The following SLCO2B1 variants were observed in gnomAD, a reference collection of about 807,000 sequenced individuals.
SLCO2B1 encodes the protein OATP-RP2.
SLCO2B1 carries 41 observed loss-of-function variants against 67.3 expected under a neutral mutation model. That is an observed-to-expected ratio of 0.61 (90% CI 0.47 to 0.79). The LOEUF is 0.79. Among genes scored for constraint, SLCO2B1 ranks in the 30% least tolerant of loss-of-function variants. The pLI is 0.00. For missense variants in SLCO2B1, 837 were observed against 920.1 expected (o/e 0.91, Z 1.17); for synonymous variants, 379 against 381.4 (o/e 0.99, Z 0.07).
At position 75,169,363 on chromosome 11, in the gene SLCO2B1, C is replaced by T. The variant is rs1949932756; in HGVS notation, c.639C>T (p.Tyr213=). 1.9e-6 allele frequency: 3 copies of T among 1,610,810 alleles called. No individual in the cohort carries two copies. Among genetic ancestry groups the T allele is most frequent in the Non-Finnish European group, 1.7e-6 (2 of 1,177,552 alleles). Residue 213 remains tyrosine (Y), a synonymous_variant, in exon 5 of 14, where the codon TAC becomes TAT. Coordinates refer to ENST00000289575, the MANE Select transcript of SLCO2B1 (RefSeq NM_007256.5). ...CCATTCAGCCCTTTGGCATCTCCTACATCGATGACTTTGCCCACAACAGCA... is the reference window on the plus strand; with the variant it reads ...CCATTCAGCCCTTTGGCATCTCCTATATCGATGACTTTGCCCACAACAGCA... The part of the protein sequence containing the change: ...GVPIQPFGIS[Y]IDDFAHNSNS...
Position 75,203,181 on chromosome 11 carries a change from C to A in SLCO2B1, c.1829-126C>A, listed in dbSNP as rs370308930. 8 of 1,381,082 alleles carry A rather than the reference C, an allele frequency of 5.8e-6. No homozygotes were observed. The South Asian group carries it at 6.7e-5, about 11-fold the overall frequency. 85.6% of individuals were successfully genotyped at this position (1,381,082 alleles called of 1,614,324 possible). On this transcript the variant is annotated intron_variant, in intron 12 of 13. Coordinates refer to ENST00000289575, the MANE Select transcript of SLCO2B1 (RefSeq NM_007256.5). ...AGCCACCTCGGATGCAGGGGTGGGG[C>A]GGGCTTGAGGGCCAGACAGCCAAGA...
rs561140005 is a variant in SLCO2B1, at chr11:75,167,895, CT to C, written c.449-1262del. Among the ~76,000 whole-genome samples the C allele has an allele frequency of 6.7e-4, 90 of 134,410 alleles. No individual in the cohort carries two copies. In the East Asian group the frequency reaches 9.5e-3, roughly 14 times the overall value. 88.2% of individuals were successfully genotyped at this position (134,410 alleles called of 152,430 possible). A position where few individuals can be genotyped will look rare whatever the true frequency, so the allele number is the denominator to read the frequency against. ...ATCTGGAGAACTTTGTTCTTTCTTT[CT>C]TTTTTTTTTTTTTTTGAGATGGAGT... is the stretch of plus-strand genomic sequence containing the variant. On this transcript the variant is annotated intron_variant, in intron 4 of 13. Coordinates refer to ENST00000289575, the MANE Select transcript of SLCO2B1 (RefSeq NM_007256.5).
Position 75,193,568 on chromosome 11 carries a change from C to G in SLCO2B1, c.1426C>G (p.Gln476Glu). The part of the protein sequence containing the change: ...SSHQIAGITH[Q>E]TSAHPGLELS... ...CCACCAGATTGCGGGCATCACACAC[C>G]AGACCAGGTGAGTGTGTGCGTGGGC... Residue 476 changes from glutamine (Q) to glutamate (E), a missense_variant, in exon 9 of 14, where the codon CAG becomes GAG. By Grantham distance (29) the Gln-to-Glu change is conservative (BLOSUM62 2). Coordinates refer to ENST00000289575, the MANE Select transcript of SLCO2B1 (RefSeq NM_007256.5). This position sits in a 1 kb window ranked among gnomAD's most constrained non-coding sequence, Gnocchi z 4.2. The G allele has an allele frequency of 6.4e-7, 1 of 1,553,714 alleles. No homozygotes were observed. Among genetic ancestry groups the G allele is most frequent in the Non-Finnish European group, 8.7e-7 (1 of 1,149,348 alleles).
intron 7 of SLCO2B1, among the ~76,000 whole-genome samples, chr11:75,186,637 A>C (rs1311534102): frequency 1.3e-5 from 2 of 152,100 alleles, no homozygotes; most frequent in Non-Finnish European, 2.9e-5. Context: ...ACAGCCGCGA[A>C]CCATCACACC....
chr11:75,162,566 T>G, intron 1 of SLCO2B1, 89 bp from the exon 2 acceptor site: 1 of 1,379,078 alleles, frequency 7.3e-7, no homozygotes, highest in Non-Finnish European at 9.8e-7. Flanking sequence ...CTGAAAGACC[T>G]TGGTTCTGAG....
At chr11:75,153,866 G>A (rs1469660251) in intron 1 of SLCO2B1, among the ~76,000 whole-genome samples, 1 of 151,936 alleles carries the variant, frequency 6.6e-6, no homozygotes, top group Non-Finnish European at 1.5e-5. Flanking sequence ...CTGCTTCAGT[G>A]GCCCAGAGAA....
intron 7 of SLCO2B1, among the ~76,000 whole-genome samples, chr11:75,174,004 G>A (rs1004376870): frequency 2.0e-5 from 3 of 151,880 alleles, no homozygotes; most frequent in Non-Finnish European, 4.4e-5. Flanking sequence ...GTTTCACCAT[G>A]TTGGCCAGGC....
intron 11 of SLCO2B1, chr11:75,201,043 T>TC (rs900037342): frequency 2.0e-5 from 3 of 149,450 alleles, no homozygotes; most frequent in Non-Finnish European, 4.5e-5. Flanking sequence ...TTTTTTTTTT[T>TC]TGAGATGCAG....
chr11:75,200,496 C>G lies in SLCO2B1; in HGVS notation c.1763+109C>G, dbSNP rs1352317012. 1.4e-5 allele frequency: 16 copies of G among 1,144,894 alleles called. No homozygotes were observed. In the East Asian group the frequency reaches 2.8e-4, roughly 20 times the overall value. The allele number at this position is 1,144,894 out of a possible 1,614,324, so 70.9% of individuals were successfully genotyped here. On this transcript the variant is annotated intron_variant, in intron 11 of 13. Coordinates refer to ENST00000289575, the MANE Select transcript of SLCO2B1 (RefSeq NM_007256.5). ...TCAAGAAAGGAGGCCACTTGGGTGT[C>G]CTGGCCCCCACAATATGGCCTTAAC...
intron 1 of SLCO2B1, among the ~76,000 whole-genome samples, chr11:75,154,648 C>T (rs1287707347): frequency 6.6e-6 from 1 of 152,256 alleles, no homozygotes; most frequent in Non-Finnish European, 1.5e-5. Flanking sequence ...GCCTCCTCTT[C>T]CCCTCTTTCT....
At chr11:75,172,299 A>T in intron 6 of SLCO2B1, 80 bp from the exon 7 acceptor site, 3 of 1,343,040 alleles carry the variant, frequency 2.2e-6, no homozygotes, top group Admixed American at 4.3e-5. Flanking sequence ...CTCATGTCTC[A>T]GAGGCCAGTC....
At chr11:75,180,949 G>GA (rs1950084673) in intron 7 of SLCO2B1, among the ~76,000 whole-genome samples, 1 of 152,212 alleles carries the variant, frequency 6.6e-6, no homozygotes, top group African/African-American at 2.4e-5. Flanking sequence ...GAATGAGAGA[G>GA]AAAAACATAA....
In SLCO2B1 at chr11:75,177,325, C is replaced by T. The variant is rs976908338; in HGVS notation, c.972+4756C>T. Among the ~76,000 whole-genome samples the T allele has an allele frequency of 3.3e-5, 5 of 152,202 alleles. No homozygotes were observed. The East Asian group carries it at 5.8e-4, about 18-fold the overall frequency. On this transcript the variant is annotated intron_variant, in intron 7 of 13. Transcript: ENST00000289575. ...ACCAGCTGAGCTAGTCCAATACTGCCATTTGTCAGAGGAGGCTGAGGCTAA... is the reference window on the plus strand; with the variant it reads ...ACCAGCTGAGCTAGTCCAATACTGCTATTTGTCAGAGGAGGCTGAGGCTAA...
At chr11:75,186,983 G>A (rs756441051) in intron 7 of SLCO2B1, among the ~76,000 whole-genome samples, 1 of 152,180 alleles carries the variant, frequency 6.6e-6, no homozygotes, top group Non-Finnish European at 1.5e-5. Context: ...TATTATCTGT[G>A]TGAAATAAGT....
At chr11:75,181,372 CAAAAA>C (rs11369857) in intron 7 of SLCO2B1, among the ~76,000 whole-genome samples, 28 of 128,660 alleles carry the variant, frequency 2.2e-4, no homozygotes, top group African/African-American at 6.2e-4. Flanking sequence ...GACTCTGCCT[CAAAAA>C]AAAAAAAAAA....
intron 4 of SLCO2B1, among the ~76,000 whole-genome samples, chr11:75,166,209 TG>T (rs1166521338): frequency 6.6e-6 from 1 of 151,720 alleles, no homozygotes; most frequent in Non-Finnish European, 1.5e-5. Flanking sequence ...TTTTTTTAGG[TG>T]GGGGTGAATT....
rs1331653488 is a variant in SLCO2B1 at position 75,169,288 on chromosome 11, G to C, written c.564G>C (p.Val188=). 1.2e-6 allele frequency: 2 copies of C among 1,614,180 alleles called. No homozygotes were observed. Among genetic ancestry groups the C allele is most frequent in the Non-Finnish European group, 1.7e-6 (2 of 1,180,024 alleles). Residue 188 remains valine, a synonymous_variant, in exon 5 of 14, where the codon GTG becomes GTC. Coordinates refer to ENST00000289575, the MANE Select transcript of SLCO2B1 (RefSeq NM_007256.5). ...ACACAGAAACCCAGCATCTGAGTGT[G>C]GTGGGGATCATGTTCGTGGCACAGA... ...SSYTETQHLS[V]VGIMFVAQTL... is the part of the protein sequence containing the mutation.
At chr11:75,154,413 T>C (rs1949723681) in intron 1 of SLCO2B1, among the ~76,000 whole-genome samples, 1 of 151,928 alleles carries the variant, frequency 6.6e-6, no homozygotes, top group Non-Finnish European at 1.5e-5. Context: ...GGCAGGAGAA[T>C]TGCTTGAACC....
chr11:75,194,232 C>T (rs901486982), intron 9 of SLCO2B1, among the ~76,000 whole-genome samples: 1 of 152,216 alleles, frequency 6.6e-6, no homozygotes, highest in Admixed American at 6.5e-5. Context: ...TCTATCTCTC[C>T]AATTCTCCCT....
Sources: allele counts gnomAD v4.1 joint callset (sites outside exome capture counted in the v4.1 genomes callset), GRCh38; gene constraint gnomAD v4.1.1; non-coding constraint Gnocchi (gnomAD v3.1); transcripts MANE v1.5; gene names NCBI Gene and HGNC (gene_info 2026-07-23, HGNC 2026-07-21).